Variants in BST1 observed in about 807,000 individuals in gnomAD.
BST1 encodes the protein bone marrow stromal cell antigen 1, also known as ADP-ribosyl cyclase/cyclic ADP-ribose hydrolase 2.
In BST1, 49 loss-of-function variants were observed where a neutral mutation model predicts 40.6. That is an observed-to-expected ratio of 1.21 (90% CI 0.96 to 1.53). The LOEUF is 1.53. Ranked by LOEUF, BST1 falls within the 40% of genes most tolerant of loss-of-function variation. The pLI, the probability that BST1 is intolerant of heterozygous loss-of-function variation, is 0.00. For missense variants in BST1, 423 were observed against 395.9 expected, an observed-to-expected ratio of 1.07 and a Z score of -0.58; for synonymous variants, 157 against 159.3, an observed-to-expected ratio of 0.99 and a Z score of 0.11.
chr4:15,704,811 C>T lies in BST1; in HGVS notation c.189-704C>T, dbSNP rs540818844. The T allele has an allele frequency of 4.3e-4, 297 of 695,148 alleles. 2 individuals carry two copies. The African/African-American group carries it at 4.5e-3, about 11-fold the overall frequency. The allele number at this position is 695,148 out of a possible 1,614,324, so 43.1% of individuals were successfully genotyped here. ...GAGGATTTCTGAAGTTTGGGTCTTT[C>T]TTGCCAGTGCTGCATTTCTTACTGA... On this transcript the variant is annotated intron_variant, in intron 1 of 8. Coordinates refer to ENST00000265016, the MANE Select transcript of BST1 (RefSeq NM_004334.3).
downstream of BST1, among the ~76,000 whole-genome samples, chr4:15,740,041 T>C (rs568627153): frequency 2.0e-5 from 3 of 152,094 alleles, no homozygotes; most frequent in African/African-American, 7.2e-5. Context: ...TGATCCTCAC[T>C]GGCTGATAAC....
the BST1 span, among the ~76,000 whole-genome samples, chr4:15,773,581 GC>G: frequency 6.6e-6 from 1 of 152,148 alleles, no homozygotes; most frequent in African/African-American, 2.4e-5. Flanking sequence ...AGAGTGGATG[GC>G]CTGAATCCAG....
chr4:15,736,035 A>G, downstream of BST1: 1 of 1,268,276 alleles, frequency 7.9e-7, no homozygotes, highest in Non-Finnish European at 1.0e-6. Flanking sequence ...GTTTTTATGC[A>G]CATATTTATA....
At chr4:15,770,029 G>A in the BST1 span, among the ~76,000 whole-genome samples, 6 of 152,138 alleles carry the variant, frequency 3.9e-5, no homozygotes, top group African/African-American at 1.4e-4. Flanking sequence ...CAGTAGAGAC[G>A]TGGTTTCACC....
downstream of BST1, chr4:15,736,109 G>A (rs28404156): frequency 0.083 from 106,228 of 1,280,814 alleles, 4,973 homozygotes; most frequent in African/African-American, 0.16. Context: ...CCATACAACC[G>A]CCGGTTCTAG....
At chr4:15,742,155 G>A (rs1577607842), downstream of BST1, among the ~76,000 whole-genome samples, 1 of 152,188 alleles carries the variant, frequency 6.6e-6, no homozygotes, top group East Asian at 1.9e-4. Context: ...GATTAAGTTT[G>A]CTATGGTTTG....
At chr4:15,745,016 A>C in the BST1 span, among the ~76,000 whole-genome samples, 3 of 152,206 alleles carry the variant, frequency 2.0e-5, no homozygotes, top group African/African-American at 7.2e-5. Context: ...TAACAGTTTT[A>C]TTAGCAGAAA....
At chr4:15,737,759 TA>T, downstream of BST1, 1 of 1,282,654 alleles carries the variant, frequency 7.8e-7, no homozygotes, top group Non-Finnish European at 1.0e-6. Context: ...ATAGACTTGG[TA>T]ACAAGGTACT....
chr4:15,765,427 C>T, the BST1 span, among the ~76,000 whole-genome samples: 1 of 151,952 alleles, frequency 6.6e-6, no homozygotes, highest in South Asian at 2.1e-4. Flanking sequence ...AAAATGGCCT[C>T]GTTGCTTCTG....
At chr4:15,773,583 C>G in the BST1 span, among the ~76,000 whole-genome samples, 24 of 152,268 alleles carry the variant, frequency 1.6e-4, no homozygotes, top group African/African-American at 5.3e-4. Context: ...AGTGGATGGC[C>G]TGAATCCAGG....
chr4:15,764,319 TG>T, the BST1 span, among the ~76,000 whole-genome samples: 5 of 152,096 alleles, frequency 3.3e-5, no homozygotes, highest in Non-Finnish European at 7.3e-5. Flanking sequence ...TGTTTGCTTT[TG>T]TTTTTAACTT....
At chr4:15,758,670 TTTTGTA>T in the BST1 span, among the ~76,000 whole-genome samples, 1 of 152,216 alleles carries the variant, frequency 6.6e-6, no homozygotes, top group Non-Finnish European at 1.5e-5. Context: ...CTTCTGAGAT[TTTTGTA>T]CCTTGTTCAT....
the BST1 span, among the ~76,000 whole-genome samples, chr4:15,773,836 C>A: frequency 6.6e-6 from 1 of 152,082 alleles, no homozygotes; most frequent in South Asian, 2.1e-4. Context: ...AAACAAAAAC[C>A]AAAAACAAAA....
intron 3 of BST1, among the ~76,000 whole-genome samples, chr4:15,711,065 C>T (rs912601426): frequency 2.0e-5 from 3 of 152,196 alleles, no homozygotes; most frequent in Non-Finnish European, 2.9e-5. Flanking sequence ...GCTGAGATTA[C>T]AGGCGTGAGC....
chr4:15,740,992 G>T (rs1453426163), downstream of BST1, among the ~76,000 whole-genome samples: 1 of 152,024 alleles, frequency 6.6e-6, no homozygotes, highest in African/African-American at 2.4e-5. Context: ...GAGTTGAGTA[G>T]TTGTGACAGA....
At chr4:15,715,401 A>G in intron 5 of BST1, 40 bp downstream of exon 5, 1 of 1,577,104 alleles carries the variant, frequency 6.3e-7, no homozygotes, top group East Asian at 2.2e-5. Context: ...AGAGAATGCC[A>G]AAATATTTAT....
the BST1 span, among the ~76,000 whole-genome samples, chr4:15,744,154 A>T: frequency 3.9e-5 from 6 of 152,332 alleles, no homozygotes; most frequent in African/African-American, 1.4e-4. Flanking sequence ...AAGTGAAAAG[A>T]ATAGTGGTTC....
exon 7 of BST1, chr4:15,737,879 C>T (rs1433795642): frequency 8.5e-7 from 1 of 1,173,384 alleles, no homozygotes; most frequent in Admixed American, 2.3e-5. Context: ...AAGCCGAAAT[C>T]TCCAGAGGCT....
At chr4:15,738,005 G>A in exon 7 of BST1, 1 of 352,700 alleles carries the variant, frequency 2.8e-6, no homozygotes, top group South Asian at 2.2e-5. Context: ...TTAGGGTGGT[G>A]AAAATACTCT....
Sources: allele counts gnomAD v4.1 joint callset (sites outside exome capture counted in the v4.1 genomes callset), GRCh38; gene constraint gnomAD v4.1.1; transcripts MANE v1.5; gene names NCBI Gene and HGNC (gene_info 2026-07-23, HGNC 2026-07-21).